Variants in ZNF385D observed in about 807,000 individuals in gnomAD.
ZNF385D encodes zinc finger protein 385D.
A neutral mutation model predicts 35.8 loss-of-function variants in ZNF385D; 15 were observed. That is an observed-to-expected ratio of 0.42 (90% CI 0.28 to 0.64). The LOEUF is 0.64. ZNF385D is among the 30% of genes least tolerant of loss of function. ZNF385D has a pLI of 0.23. For synonymous variants in ZNF385D, 212 were observed against 186.8 expected (o/e 1.13, Z -1.10); for missense variants, 474 against 494.6 (o/e 0.96, Z 0.39).
At chr3:22,113,068 C>T (rs763932583) in intron 3 of ZNF385D, among the ~76,000 whole-genome samples, 1 of 152,032 alleles carries the variant, frequency 6.6e-6, no homozygotes, top group African/African-American at 2.4e-5. Flanking sequence ...CCCAAAGTGA[C>T]AAATCATTTA....
intron 3 of ZNF385D, among the ~76,000 whole-genome samples, chr3:21,949,060 A>C (rs551318240): frequency 6.6e-6 from 1 of 152,214 alleles, no homozygotes; most frequent in Non-Finnish European, 1.5e-5. Flanking sequence ...TTTAACTTAC[A>C]TGTATTTAGT....
At chr3:21,870,450 C>T (rs909387740) in intron 3 of ZNF385D, among the ~76,000 whole-genome samples, 1 of 152,160 alleles carries the variant, frequency 6.6e-6, no homozygotes, top group African/African-American at 2.4e-5. Flanking sequence ...TATCCGTGAA[C>T]AAATCAATCC....
chr3:22,276,113 G>C lies in ZNF385D; in HGVS notation c.106+96337C>G, dbSNP rs574993681. Among the ~76,000 whole-genome samples, 8 of 152,010 alleles carry C rather than the reference G, an allele frequency of 5.3e-5. No homozygotes were observed. In the South Asian group the frequency reaches 1.7e-3, roughly 32 times the overall value. ...AAATAAATAAAGAATCATGAGACTT[G>C]AAATGGTGAGTCATTGGGGCACTGT... On this transcript the variant is annotated intron_variant, in intron 2 of 5. Coordinates refer to the ZNF385D transcript ENST00000494108.
Position 22,238,629 on chromosome 3 carries a change from G to C in ZNF385D, c.107-69594C>G, listed in dbSNP as rs575719837. Among the ~76,000 whole-genome samples, 2 of 150,442 alleles carry C rather than the reference G, an allele frequency of 1.3e-5. 1 individual carries two copies. Among genetic ancestry groups the C allele is most frequent in the South Asian group, 4.4e-4 (2 of 4,578 alleles). ...GAAATACAGTTGATTTTTATCTATT[G>C]ATCTTTTATCCTTCAATCTTACAGA... is the stretch of plus-strand genomic sequence containing the variant. On this transcript the variant is annotated intron_variant, in intron 2 of 5. Transcript: ENST00000494108.
At chr3:22,098,150 G>A (rs1019247504) in intron 3 of ZNF385D, among the ~76,000 whole-genome samples, 1 of 152,024 alleles carries the variant, frequency 6.6e-6, no homozygotes, top group Non-Finnish European at 1.5e-5. Flanking sequence ...AGCTTTTCAG[G>A]AAGTTGAGTT....
chr3:21,732,030 GTTTTT>G (rs1214143626), intron 1 of ZNF385D, among the ~76,000 whole-genome samples: 2 of 37,368 alleles, frequency 5.4e-5, no homozygotes, highest in African/African-American at 8.3e-5. Flanking sequence ...TTTTTTCGGG[GTTTTT>G]TTTTTTTTTT....
intron 3 of ZNF385D, among the ~76,000 whole-genome samples, chr3:21,824,449 CCTT>C (rs1559661343): frequency 3.3e-5 from 5 of 150,200 alleles, no homozygotes; most frequent in Admixed American, 3.3e-4. Context: ...AAGGTCTCTC[CCTT>C]TCTCTCTCAC....
At chr3:22,150,421 G>C (rs971424923) in intron 3 of ZNF385D, among the ~76,000 whole-genome samples, 2 of 151,906 alleles carry the variant, frequency 1.3e-5, no homozygotes, top group South Asian at 2.1e-4. Context: ...CAAAGTGTTA[G>C]ATGCTTGGGT....
intron 3 of ZNF385D, among the ~76,000 whole-genome samples, chr3:22,036,039 A>G (rs936536959): frequency 2.6e-5 from 4 of 152,204 alleles, no homozygotes; most frequent in Admixed American, 1.3e-4. Flanking sequence ...CACCTTGGAT[A>G]AAAAGAAGAC....
intron 3 of ZNF385D, among the ~76,000 whole-genome samples, chr3:21,889,611 GA>G (rs751985706): frequency 6.6e-6 from 1 of 152,128 alleles, no homozygotes; most frequent in Non-Finnish European, 1.5e-5. Flanking sequence ...ACTGGGGAGA[GA>G]AATTCCTCAG....
intron 2 of ZNF385D, among the ~76,000 whole-genome samples, chr3:22,235,169 A>T (rs909133307): frequency 1.3e-5 from 2 of 151,996 alleles, no homozygotes; most frequent in Admixed American, 6.6e-5. Context: ...TTTCTATATG[A>T]ATCTGGAATT....
intron 2 of ZNF385D, among the ~76,000 whole-genome samples, chr3:22,194,084 C>T (rs1047948900): frequency 4.0e-5 from 6 of 151,854 alleles, no homozygotes; most frequent in South Asian, 4.2e-4. Context: ...CTTATACTAC[C>T]GAACTTTACA....
At chr3:22,143,059 TTGTGTGTGTGTGTG>T (rs57448532) in intron 3 of ZNF385D, among the ~76,000 whole-genome samples, 21,926 of 140,866 alleles carry the variant, frequency 0.16, 1,934 homozygotes, top group East Asian at 0.4. Context: ...ATTAAATCGG[TTGTGTGTGTGTGTG>T]TGTGTGTGTG....
At chr3:21,652,552 C>T (rs1481901508) in intron 2 of ZNF385D, among the ~76,000 whole-genome samples, 1 of 151,838 alleles carries the variant, frequency 6.6e-6, no homozygotes, top group Non-Finnish European at 1.5e-5. Context: ...TATACATGTG[C>T]CATGTTGGTG....
intron 3 of ZNF385D, among the ~76,000 whole-genome samples, chr3:22,042,574 A>G (rs558650533): frequency 6.6e-6 from 1 of 152,136 alleles, no homozygotes; most frequent in East Asian, 1.9e-4. Context: ...ATAATCATCC[A>G]GGTCCAATTT....
chr3:22,307,777 G>T (rs979067362), intron 2 of ZNF385D, among the ~76,000 whole-genome samples: 2 of 151,550 alleles, frequency 1.3e-5, no homozygotes, highest in Admixed American at 6.6e-5. Flanking sequence ...CTTTCTTAGG[G>T]TAATCTTAAA....
At chr3:21,510,344 A>T (rs1421359223) in intron 4 of ZNF385D, among the ~76,000 whole-genome samples, 3 of 152,192 alleles carry the variant, frequency 2.0e-5, no homozygotes, top group African/African-American at 7.2e-5. Flanking sequence ...TTGCAGAGGG[A>T]AGGTTACCCA....
At chr3:21,891,508 CT>C (rs142641136) in intron 3 of ZNF385D, among the ~76,000 whole-genome samples, 1 of 151,992 alleles carries the variant, frequency 6.6e-6, no homozygotes, top group Non-Finnish European at 1.5e-5. Flanking sequence ...TGTTTACTAT[CT>C]TTTTTCCTCA....
At chr3:21,814,694 C>G (rs768209048) in intron 3 of ZNF385D, among the ~76,000 whole-genome samples, 9 of 152,196 alleles carry the variant, frequency 5.9e-5, no homozygotes, top group African/African-American at 2.2e-4. Context: ...AAGTCCCTAG[C>G]GACCTCCAAA....
Sources: gnomAD v4.1 joint callset for allele counts (sites outside exome capture counted in the v4.1 genomes callset) on GRCh38, gnomAD v4.1.1 for gene constraint, MANE v1.5 for transcripts, NCBI Gene and HGNC (gene_info 2026-07-23, HGNC 2026-07-21) for gene names.